The following AGMO variants were observed in gnomAD, a reference collection of about 807,000 sequenced individuals.
AGMO encodes the protein alkylglycerol monooxygenase.
A neutral mutation model predicts 60.2 loss-of-function variants in AGMO; 75 were observed. The ratio of observed to expected loss-of-function variants is 1.25; its 90% CI spans 1.03 to 1.51. AGMO has a LOEUF of 1.51. Among genes scored for constraint, AGMO ranks in the 40% most tolerant of loss-of-function variants. The probability of loss-of-function intolerance (pLI) is 0.00; values close to 1 mark genes in which losing one functional copy is unlikely to be tolerated. For synonymous variants in AGMO, 261 were observed against 177.1 expected, an observed-to-expected ratio of 1.47 and a Z score of -3.76; for missense variants, 763 against 525.5, an observed-to-expected ratio of 1.45 and a Z score of -4.42.
intron 12 of AGMO, among the ~76,000 whole-genome samples, chr7:15,289,422 C>T (rs1345410218): frequency 6.6e-6 from 1 of 151,886 alleles, no homozygotes; most frequent in Non-Finnish European, 1.5e-5. Flanking sequence ...ATCAAATATG[C>T]TTATAGACAT....
At chr7:15,120,179 T>G in the AGMO span, among the ~76,000 whole-genome samples, 200 of 152,136 alleles carry the variant, frequency 1.3e-3, no homozygotes, top group Non-Finnish European at 2.4e-3. Flanking sequence ...TCATTTACTG[T>G]CTCCACTTCC....
At chr7:15,283,912 A>C in intron 12 of AGMO, among the ~76,000 whole-genome samples, 1 of 152,096 alleles carries the variant, frequency 6.6e-6, no homozygotes, top group Non-Finnish European at 1.5e-5. Context: ...AAAACTAGAA[A>C]TCAACTCCAA....
chr7:15,475,854 T>A (rs1441196455), intron 3 of AGMO, among the ~76,000 whole-genome samples: 1 of 152,064 alleles, frequency 6.6e-6, no homozygotes, highest in Non-Finnish European at 1.5e-5. Flanking sequence ...GAAGATGGAA[T>A]GAGCTATAAG....
chr7:15,144,062 G>A, the AGMO span, among the ~76,000 whole-genome samples: 2 of 152,084 alleles, frequency 1.3e-5, no homozygotes, highest in African/African-American at 2.4e-5. Context: ...ATTTTTACTA[G>A]TTGGCCACTA....
intron 3 of AGMO, among the ~76,000 whole-genome samples, chr7:15,454,014 AAT>A (rs1347036353): frequency 6.7e-6 from 1 of 148,388 alleles, no homozygotes; most frequent in Non-Finnish European, 1.5e-5. Flanking sequence ...ATATACATAA[AAT>A]ATGTTTATAT....
At position 15,384,304 on chromosome 7, in the gene AGMO, GTTATATTT is replaced by G. The variant is rs1211205495; in HGVS notation, c.1074+1134_1074+1141del. On this transcript the variant is annotated intron_variant, in intron 10 of 12. Transcript: ENST00000342526. ...GTAAGCCATTGAGTGTTGCATGCTAGTTATATTTTTATATTTTTAAAGTTTATTTTAAT... is the reference window on the plus strand; with the variant it reads ...GTAAGCCATTGAGTGTTGCATGCTAGTTATATTTTTAAAGTTTATTTTAAT... Among the ~76,000 whole-genome samples the G allele has an allele frequency of 5.3e-5, 8 of 151,984 alleles. No homozygotes were observed. The East Asian group carries it at 5.8e-4, about 11-fold the overall frequency.
At chr7:15,482,974 T>A (rs552202947) in intron 3 of AGMO, among the ~76,000 whole-genome samples, 2 of 152,316 alleles carry the variant, frequency 1.3e-5, no homozygotes, top group East Asian at 3.9e-4. Flanking sequence ...ACAAAGGTAA[T>A]TTCCTCTATT....
chr7:15,394,075 G>C (rs757063669), intron 6 of AGMO, 38 bp downstream of exon 6: 9 of 1,467,366 alleles, frequency 6.1e-6, no homozygotes, highest in South Asian at 2.3e-5. Context: ...AATTTTTAGA[G>C]AAATGAAGAA....
the AGMO span, among the ~76,000 whole-genome samples, chr7:15,149,115 T>G: frequency 6.6e-6 from 1 of 152,174 alleles, no homozygotes; most frequent in Non-Finnish European, 1.5e-5. Context: ...TGTATATGTC[T>G]TTTTTTGAGA....
chr7:15,282,128 G>GAAGCAACCAGAA (rs1783984451), intron 12 of AGMO, among the ~76,000 whole-genome samples: 1 of 151,928 alleles, frequency 6.6e-6, no homozygotes, highest in Non-Finnish European at 1.5e-5. Context: ...GCCCAAATAA[G>GAAGCAACCAGAA]AAGCAACCAG....
At chr7:15,138,305 C>T in the AGMO span, among the ~76,000 whole-genome samples, 3 of 152,120 alleles carry the variant, frequency 2.0e-5, no homozygotes, top group African/African-American at 7.2e-5. Flanking sequence ...AAAGTAATGG[C>T]GAGGTACATT....
At chr7:15,207,720 G>A (rs186771924) in intron 12 of AGMO, among the ~76,000 whole-genome samples, 16 of 152,258 alleles carry the variant, frequency 1.1e-4, no homozygotes, top group African/African-American at 3.9e-4. Context: ...AGATCACGAG[G>A]TCAGGAGATC....
intron 12 of AGMO, among the ~76,000 whole-genome samples, chr7:15,274,945 T>C (rs1274502674): frequency 1.3e-5 from 2 of 151,980 alleles, no homozygotes; most frequent in East Asian, 3.9e-4. Context: ...TTTTTCTTCA[T>C]TGAGCTCATT....
intron 12 of AGMO, among the ~76,000 whole-genome samples, chr7:15,354,765 C>A (rs1057367652): frequency 2.0e-5 from 3 of 151,048 alleles, no homozygotes; most frequent in Non-Finnish European, 3.0e-5. Flanking sequence ...CAAAGAGGAT[C>A]TGCTAATAAC....
intron 5 of AGMO, among the ~76,000 whole-genome samples, chr7:15,402,646 AT>A (rs1274075399): frequency 1.9e-4 from 27 of 143,408 alleles, no homozygotes; most frequent in African/African-American, 5.7e-4. Context: ...ATAAATATAT[AT>A]TAACCTTATT....
chr7:15,257,747 G>A (rs1285882715), intron 12 of AGMO, among the ~76,000 whole-genome samples: 1 of 152,278 alleles, frequency 6.6e-6, no homozygotes, highest in Non-Finnish European at 1.5e-5. Context: ...ACCTGGGTGG[G>A]AGACAGGCAA....
At chr7:15,438,101 A>T (rs1781450586) in intron 3 of AGMO, among the ~76,000 whole-genome samples, 1 of 152,164 alleles carries the variant, frequency 6.6e-6, no homozygotes, top group African/African-American at 2.4e-5. Context: ...AAAACGATAG[A>T]TTTTTAGTAC....
chr7:15,543,878 C>G (rs1338704529), intron 3 of AGMO, among the ~76,000 whole-genome samples: 1 of 151,696 alleles, frequency 6.6e-6, no homozygotes, highest in African/African-American at 2.4e-5. Context: ...TAAGGAATCT[C>G]CACACTGTTT....
At chr7:15,233,271 G>T (rs1282577576) in intron 12 of AGMO, among the ~76,000 whole-genome samples, 1 of 152,158 alleles carries the variant, frequency 6.6e-6, no homozygotes, top group Non-Finnish European at 1.5e-5. Context: ...AAGGTATCGT[G>T]AATCCATCTA....
Sources: gnomAD v4.1 joint callset for allele counts (sites outside exome capture counted in the v4.1 genomes callset) on GRCh38, gnomAD v4.1.1 for gene constraint, MANE v1.5 for transcripts, NCBI Gene and HGNC (gene_info 2026-07-23, HGNC 2026-07-21) for gene names.